Variants in OASL observed in about 807,000 individuals in gnomAD.
OASL encodes 2'-5'-oligoadenylate synthase-like protein.
A neutral mutation model predicts 35.3 loss-of-function variants in OASL; 28 were observed. The observed-to-expected ratio is 0.79, with a 90% CI of 0.59 to 1.09. OASL has a LOEUF of 1.09. Ranked by LOEUF, OASL falls within the 50% of genes least tolerant of loss-of-function variation. OASL has a pLI of 0.00. For synonymous variants in OASL, 252 were observed against 254.6 expected, an observed-to-expected ratio of 0.99 and a Z score of 0.10; for missense variants, 620 against 635.2, an observed-to-expected ratio of 0.98 and a Z score of 0.26.
intron 3 of OASL, among the ~76,000 whole-genome samples, chr12:121,029,252 C>T (rs1363064434): frequency 6.6e-6 from 1 of 151,946 alleles, no homozygotes; most frequent in African/African-American, 2.4e-5. Flanking sequence ...AGCTATAACA[C>T]TTTGGCCTTG....
intron 1 of OASL, among the ~76,000 whole-genome samples, chr12:121,034,156 G>T (rs1869861067): frequency 6.6e-6 from 1 of 151,080 alleles, no homozygotes; most frequent in Admixed American, 6.6e-5. Context: ...TTAGTCATTT[G>T]TCTCAGGTCT....
exon 6 of OASL, chr12:121,020,886 A>C (rs1869204180): frequency 6.2e-7 from 1 of 1,614,184 alleles, no homozygotes; most frequent in Non-Finnish European, 8.5e-7. Flanking sequence ...CCTGCTGCTG[A>C]GAAGCTGCCT....
At chr12:121,033,368 G>T in intron 2 of OASL, 93 bp downstream of exon 2, 3 of 1,236,244 alleles carry the variant, frequency 2.4e-6, no homozygotes, top group Non-Finnish European at 3.5e-6. Context: ...ATAAATGTGG[G>T]TGTGTGCACG....
intron 5 of OASL, among the ~76,000 whole-genome samples, chr12:121,021,998 C>T (rs1041965075): frequency 2.0e-5 from 3 of 152,074 alleles, no homozygotes; most frequent in African/African-American, 7.2e-5. Flanking sequence ...GCGCCTTGAC[C>T]TCCCAAGCTG....
At chr12:121,033,890 T>G in intron 1 of OASL, 147 bp from the exon 2 acceptor site, 1 of 746,426 alleles carries the variant, frequency 1.3e-6, no homozygotes, top group Non-Finnish European at 2.1e-6. Flanking sequence ...ACTTTACAGG[T>G]GAGAAAACTG....
At position 121,033,538 on chromosome 12, in the gene OASL, G is replaced by C. The variant is rs140204273; in HGVS notation, c.404C>G (p.Ala135Gly). 1.2e-6 allele frequency: 2 copies of C among 1,614,170 alleles called. No homozygotes were observed. The highest frequency in any genetic ancestry group is 4.5e-5 in the East Asian group (2 of 44,874). ...CCTGGTCTGGATGGTGAAGACGAGA[G>C]CATCGGGGACTCTCTGCTCCATCCT... Residue 135 changes from alanine to glycine, a missense_variant, in exon 2 of 6, where the codon GCT (alanine) becomes GGT (glycine). Transcript: ENST00000257570.
At chr12:121,024,896 T>C (rs1869415426) in intron 4 of OASL, among the ~76,000 whole-genome samples, 2 of 152,062 alleles carry the variant, frequency 1.3e-5, no homozygotes, top group South Asian at 4.1e-4. Context: ...CTTACAGCAA[T>C]TCTATAAGGT....
chr12:121,019,964 C>T (rs546351496), exon 6 of OASL: 2 of 152,428 alleles, frequency 1.3e-5, no homozygotes, highest in East Asian at 1.9e-4. Flanking sequence ...CAGTTATCGC[C>T]CAAGTCCTGA....
Position 121,021,609 on chromosome 12 carries a change from G to A in OASL, c.1048-551C>T, listed in dbSNP as rs970600374. On this transcript the variant is annotated intron_variant, in intron 5 of 5. Coordinates refer to ENST00000257570, the Ensembl canonical transcript of OASL. ...GCAGATCACTTGAGGTCAGGAGTTTGAGACCAGCCTGGCCAACATGGCAAA... is the reference window on the plus strand; with the variant it reads ...GCAGATCACTTGAGGTCAGGAGTTTAAGACCAGCCTGGCCAACATGGCAAA... 2.0e-5 allele frequency among the ~76,000 whole-genome samples: 3 copies of A among 152,238 alleles called. No homozygotes were observed. In the East Asian group the frequency reaches 5.8e-4, roughly 29 times the overall value.
chr12:121,031,360 T>A, intron 3 of OASL, 82 bp downstream of exon 3: 1 of 1,404,334 alleles, frequency 7.1e-7, no homozygotes, highest in East Asian at 2.3e-5. Flanking sequence ...GGCTGCAGCT[T>A]CCTGAGATGA....
At chr12:121,038,940 G>A (rs761554855) in exon 1 of OASL, 5 of 1,614,050 alleles carry the variant, frequency 3.1e-6, no homozygotes, top group African/African-American at 1.3e-5. Context: ...CCTGGAGGCT[G>A]GTGTGCTATA....
chr12:121,027,941 C>T, intron 3 of OASL, 124 bp from the exon 4 acceptor site: 3 of 768,672 alleles, frequency 3.9e-6, no homozygotes, highest in Non-Finnish European at 4.2e-6. Context: ...GGCTGTGTGA[C>T]CTTGGCCATG....
intron 2 of OASL, 32 bp downstream of exon 2, chr12:121,033,429 G>T: frequency 6.3e-7 from 1 of 1,597,470 alleles, no homozygotes; most frequent in Non-Finnish European, 8.6e-7. Flanking sequence ...GTGGGCAAGT[G>T]TGTGAGTCGG....
At chr12:121,018,456 C>T (rs1869115090), downstream of OASL, among the ~76,000 whole-genome samples, 1 of 151,852 alleles carries the variant, frequency 6.6e-6, no homozygotes, top group Admixed American at 6.6e-5. Context: ...GGGACCGGGC[C>T]CAAGGAGGGA....
exon 4 of OASL, chr12:121,027,598 T>C (rs141916185): frequency 1.2e-6 from 2 of 1,614,112 alleles, no homozygotes; most frequent in Non-Finnish European, 1.7e-6. Context: ...AGCTGTTTTC[T>C]GACACAATCC....
At chr12:121,023,069 G>A (rs888028529) in intron 5 of OASL, among the ~76,000 whole-genome samples, 31 of 152,186 alleles carry the variant, frequency 2.0e-4, no homozygotes. Flanking sequence ...ACTAGAAAGT[G>A]TGATGTTAAT....
intron 1 of OASL, among the ~76,000 whole-genome samples, chr12:121,035,126 G>A (rs961917930): frequency 1.2e-4 from 19 of 152,008 alleles, no homozygotes; most frequent in African/African-American, 3.1e-4. Flanking sequence ...AGCTGTTGCC[G>A]GATGATATAA....
chr12:121,026,472 T>A (rs1431926661), intron 4 of OASL, among the ~76,000 whole-genome samples: 3 of 152,042 alleles, frequency 2.0e-5, no homozygotes, highest in South Asian at 4.1e-4. Context: ...AGTGAGACAG[T>A]GAGACAGATA....
chr12:121,038,748 TG>T, intron 1 of OASL, 25 bp downstream of exon 1: 1 of 1,611,586 alleles, frequency 6.2e-7, no homozygotes, highest in Non-Finnish European at 8.5e-7. Context: ...TTGTCTTGCG[TG>T]GGGGCTGGAG....
Sources: gnomAD v4.1 joint callset for allele counts (sites outside exome capture counted in the v4.1 genomes callset) on GRCh38, gnomAD v4.1.1 for gene constraint, MANE v1.5 for transcripts, NCBI Gene and HGNC (gene_info 2026-07-23, HGNC 2026-07-21) for gene names.